LHCGR: variants seen among roughly 807,000 people sequenced by gnomAD.
LHCGR encodes the protein lutropin-choriogonadotropic hormone receptor.
LHCGR carries 55 observed loss-of-function variants against 60.7 expected under a neutral mutation model. The observed-to-expected ratio is 0.91, with a 90% CI of 0.73 to 1.13. The LOEUF (loss-of-function observed/expected upper bound fraction) is 1.13. Ranked by LOEUF, LHCGR falls within the 50% of genes most tolerant of loss-of-function variation. The probability of loss-of-function intolerance (pLI) is 0.00; values close to 1 mark genes in which losing one functional copy is unlikely to be tolerated. For missense variants in LHCGR, 862 were observed against 836.0 expected (o/e 1.03, Z -0.38); for synonymous variants, 337 against 316.5 (o/e 1.06, Z -0.69).
intron 7 of LHCGR, among the ~76,000 whole-genome samples, chr2:48,709,472 G>C (rs571105320): frequency 2.6e-5 from 4 of 152,264 alleles, no homozygotes; most frequent in African/African-American, 7.2e-5. Context: ...GCAAATACTT[G>C]AAAAAGTAGG....
intron 1 of LHCGR, among the ~76,000 whole-genome samples, chr2:48,739,419 C>T (rs1211251339): frequency 6.6e-6 from 1 of 152,130 alleles, no homozygotes; most frequent in East Asian, 1.9e-4. Context: ...AGCCAAATGT[C>T]CAACAATGAT....
chr2:48,732,357 C>T (rs564852693), intron 1 of LHCGR, among the ~76,000 whole-genome samples: 3 of 152,300 alleles, frequency 2.0e-5, no homozygotes, highest in African/African-American at 7.2e-5. Context: ...CATGTCTATG[C>T]AGCAGAGACT....
intron 10 of LHCGR, among the ~76,000 whole-genome samples, chr2:48,690,626 G>A (rs888237536): frequency 1.2e-4 from 18 of 152,110 alleles, no homozygotes; most frequent in Non-Finnish European, 1.8e-4. Flanking sequence ...GTCTTTGTAC[G>A]TACTTCTGCC....
chr2:48,702,727 G>A (rs1667472861), intron 8 of LHCGR, among the ~76,000 whole-genome samples: 1 of 152,148 alleles, frequency 6.6e-6, no homozygotes, highest in Non-Finnish European at 1.5e-5. Flanking sequence ...AAACATACGT[G>A]TGCATGTGTC....
At chr2:48,743,967 CCTT>C (rs1470337761) in intron 1 of LHCGR, among the ~76,000 whole-genome samples, 17 of 148,416 alleles carry the variant, frequency 1.1e-4, no homozygotes, top group Non-Finnish European at 2.1e-4. Flanking sequence ...GCCAAAATCT[CCTT>C]AAGCTGATAA....
At chr2:48,701,648 AC>A (rs1484214805) in intron 8 of LHCGR, among the ~76,000 whole-genome samples, 1 of 151,726 alleles carries the variant, frequency 6.6e-6, no homozygotes, top group African/African-American at 2.4e-5. Context: ...TTTCTCCTCT[AC>A]AACCAATAGC....
intron 7 of LHCGR, 131 bp from the exon 8 acceptor site, chr2:48,709,153 G>A: frequency 1.3e-6 from 1 of 747,708 alleles, no homozygotes; most frequent in South Asian, 1.4e-5. Flanking sequence ...AGGGTAAGTG[G>A]AGGGAAAGTG....
intron 8 of LHCGR, among the ~76,000 whole-genome samples, chr2:48,701,844 C>A (rs1667427328): frequency 6.6e-6 from 1 of 152,302 alleles, no homozygotes; most frequent in South Asian, 2.1e-4. Context: ...AACAAATGAA[C>A]TGGGTTACCC....
At chr2:48,702,105 G>T (rs769374860) in intron 8 of LHCGR, among the ~76,000 whole-genome samples, 2 of 152,044 alleles carry the variant, frequency 1.3e-5, no homozygotes, top group Non-Finnish European at 1.5e-5. Context: ...ATAACTGGTC[G>T]CCGTGTGTGA....
chr2:48,718,703 C>T (rs556790950), intron 6 of LHCGR, among the ~76,000 whole-genome samples: 14 of 152,296 alleles, frequency 9.2e-5, no homozygotes, highest in African/African-American at 3.1e-4. Flanking sequence ...TGGAACTTTG[C>T]TGAAGTCCTT....
intron 10 of LHCGR, among the ~76,000 whole-genome samples, chr2:48,689,476 C>T (rs2104360974): frequency 6.6e-6 from 1 of 152,222 alleles, no homozygotes; most frequent in Non-Finnish European, 1.5e-5. Flanking sequence ...AAGTCCCTAG[C>T]TAATCAAATA....
intron 1 of LHCGR, among the ~76,000 whole-genome samples, chr2:48,731,799 T>A (rs1361343571): frequency 6.6e-6 from 1 of 152,200 alleles, no homozygotes; most frequent in Non-Finnish European, 1.5e-5. Context: ...GTGGAGACAT[T>A]AATGATGAAA....
chr2:48,748,651 T>A (rs751873903), intron 1 of LHCGR, among the ~76,000 whole-genome samples: 2 of 152,220 alleles, frequency 1.3e-5, no homozygotes, highest in African/African-American at 2.4e-5. Flanking sequence ...ACCTCACATA[T>A]GGGCTGTGGG....
At chr2:48,699,198 T>C (rs1354807400) in intron 8 of LHCGR, among the ~76,000 whole-genome samples, 1 of 152,198 alleles carries the variant, frequency 6.6e-6, no homozygotes, top group Non-Finnish European at 1.5e-5. Context: ...GAGGAATCTT[T>C]TCTCCATCTT....
At chr2:48,737,893 G>T (rs1267212980) in intron 1 of LHCGR, among the ~76,000 whole-genome samples, 1 of 152,194 alleles carries the variant, frequency 6.6e-6, no homozygotes, top group African/African-American at 2.4e-5. Flanking sequence ...AGAATCTTAG[G>T]AAAAGAGAAA....
At chr2:48,723,230 C>T (rs1486980434) in intron 6 of LHCGR, among the ~76,000 whole-genome samples, 1 of 152,206 alleles carries the variant, frequency 6.6e-6, no homozygotes, top group Non-Finnish European at 1.5e-5. Flanking sequence ...CACTAAAAAT[C>T]CTCAGGGCCT....
At chr2:48,750,438 A>G (rs956277266) in intron 1 of LHCGR, among the ~76,000 whole-genome samples, 31 of 152,224 alleles carry the variant, frequency 2.0e-4, no homozygotes, top group African/African-American at 7.5e-4. Flanking sequence ...GCTTCCCTGA[A>G]GTTGATATGT....
rs79248442 is a variant in LHCGR, at chr2:48,687,549, A to G, written c.*148T>C. 43,598 of 650,988 alleles carry G rather than the reference A, an allele frequency of 0.067. 2,316 individuals carry two copies. Among genetic ancestry groups the G allele is most frequent in the African/African-American group, 0.21 (11,684 of 55,032 alleles). The allele number at this position is 650,988 out of a possible 1,614,324, so 40.3% of individuals were successfully genotyped here. A position where few individuals can be genotyped will look rare whatever the true frequency, so the allele number is the denominator to read the frequency against. ...TAGTGTGGCAGTGGTCATAGACTAC[A>G]CTTTCTACTAGGTAGAGGTCTCTTG... On this transcript the variant is annotated 3_prime_UTR_variant, in exon 11 of 11. Transcript: ENST00000294954.
chr2:48,687,812 T>C lies in LHCGR; in HGVS notation c.1985A>G (p.Asn662Ser), dbSNP rs200467316. Residue 662 changes from asparagine (N) to serine (S), a missense_variant, in exon 11 of 11, where the codon AAC (asparagine) becomes AGC (serine). Transcript: ENST00000294954. ...TGATCCAGTGAAGCCATTTTTGCAG[T>C]TGGAGGTGTAAGCTGAAAAATCTTT... ...RRKDFSAYTS[N>S]CKNGFTGSNK... 127 of 1,614,098 alleles carry C rather than the reference T, an allele frequency of 7.9e-5. No individual in the cohort carries two copies. The highest frequency in any genetic ancestry group is 1.9e-4 in the South Asian group (17 of 91,084).
Sources: gnomAD v4.1 joint callset for allele counts (sites outside exome capture counted in the v4.1 genomes callset) on GRCh38, gnomAD v4.1.1 for gene constraint, MANE v1.5 for transcripts, NCBI Gene and HGNC (gene_info 2026-07-23, HGNC 2026-07-21) for gene names.